KAZN: variants seen among roughly 807,000 people sequenced by gnomAD.
The protein encoded by KAZN is kazrin, periplakin interacting protein.
KAZN carries 40 observed loss-of-function variants against 87.4 expected under a neutral mutation model. The ratio of observed to expected loss-of-function variants is 0.46; its 90% CI spans 0.36 to 0.60. The LOEUF (loss-of-function observed/expected upper bound fraction) is 0.60. KAZN is among the 20% of genes least tolerant of loss of function. The pLI, the probability that KAZN is intolerant of heterozygous loss-of-function variation, is 0.00. For synonymous variants in KAZN, 466 were observed against 458.3 expected (o/e 1.02, Z -0.22); for missense variants, 898 against 1,073.9 (o/e 0.84, Z 2.29).
intron 1 of KAZN, among the ~76,000 whole-genome samples, chr1:14,959,770 C>T (rs138407633): frequency 1.3e-5 from 2 of 152,328 alleles, no homozygotes; most frequent in Non-Finnish European, 2.9e-5. Flanking sequence ...TCTGTTTTCA[C>T]TATTGCCCAG....
intron 2 of KAZN, among the ~76,000 whole-genome samples, chr1:14,460,990 G>C (rs1291679022): frequency 6.6e-6 from 1 of 152,132 alleles, no homozygotes; most frequent in Admixed American, 6.5e-5. Context: ...AGAGTATCTG[G>C]ACCCTGCGCT....
chr1:15,060,659 C>T (rs763580368), intron 6 of KAZN: 236 of 261,270 alleles, frequency 9.0e-4, no homozygotes, highest in Non-Finnish European at 1.5e-3. Flanking sequence ...AGCACCTCCT[C>T]ATTTCCCTTT....
chr1:14,402,380 T>G (rs1663490630), intron 2 of KAZN, among the ~76,000 whole-genome samples: 1 of 152,150 alleles, frequency 6.6e-6, no homozygotes, highest in Admixed American at 6.5e-5. Flanking sequence ...CCTTATTTAA[T>G]TCTCATGGAA....
chr1:14,625,376 C>T (rs543593127), intron 1 of KAZN, among the ~76,000 whole-genome samples: 9 of 152,174 alleles, frequency 5.9e-5, no homozygotes, highest in Admixed American at 2.0e-4. Flanking sequence ...CCCTACTATC[C>T]GAGGATAAAG....
Position 14,139,496 on chromosome 1 carries a change from G to A in KAZN, c.92-40939G>A, listed in dbSNP as rs867379455. Among the ~76,000 whole-genome samples, 7 of 152,176 alleles carry A rather than the reference G, an allele frequency of 4.6e-5. No homozygotes were observed. The South Asian group carries it at 8.3e-4, about 18-fold the overall frequency. On this transcript the variant is annotated intron_variant, in intron 1 of 16. Transcript: ENST00000636203. Reference sequence around the variant, plus strand: ...TTCCTGAACACTTTGCTGGTTGCACGGCTAGGGAATTTTTGTTGTTGTTCT... The same window carrying A: ...TTCCTGAACACTTTGCTGGTTGCACAGCTAGGGAATTTTTGTTGTTGTTCT...
chr1:14,375,180 T>C (rs75236559), intron 2 of KAZN, among the ~76,000 whole-genome samples: 5,460 of 152,296 alleles, frequency 0.036, 139 homozygotes, highest in Non-Finnish European at 0.055. Context: ...AAAATTGTTA[T>C]GAATTCAGCA....
chr1:14,971,332 A>T (rs562190593), intron 2 of KAZN, among the ~76,000 whole-genome samples: 2 of 152,304 alleles, frequency 1.3e-5, no homozygotes, highest in East Asian at 3.9e-4. Context: ...CGGGAGGCAG[A>T]GGTTGCGGTG....
At chr1:14,971,902 T>G (rs1285719187) in intron 2 of KAZN, among the ~76,000 whole-genome samples, 1 of 152,102 alleles carries the variant, frequency 6.6e-6, no homozygotes, top group Non-Finnish European at 1.5e-5. Flanking sequence ...TCTTCCCACC[T>G]CCTCCCAGTC....
At chr1:14,846,266 T>C (rs1648750725) in intron 1 of KAZN, among the ~76,000 whole-genome samples, 1 of 152,220 alleles carries the variant, frequency 6.6e-6, no homozygotes, top group African/African-American at 2.4e-5. Flanking sequence ...GCCTGTTGAA[T>C]CTAGCATTTC....
intron 3 of KAZN, among the ~76,000 whole-genome samples, chr1:15,040,775 A>T (rs1213990616): frequency 1.3e-5 from 1 of 77,194 alleles, no homozygotes; most frequent in Non-Finnish European, 2.6e-5. Context: ...CAAAAAAGTT[A>T]AAAAAAAAAA....
chr1:14,957,583 C>T (rs1663281491), intron 1 of KAZN, among the ~76,000 whole-genome samples: 1 of 152,194 alleles, frequency 6.6e-6, no homozygotes, highest in South Asian at 2.1e-4. Context: ...GGGTTGCCTG[C>T]CGTGCTGTTG....
intron 2 of KAZN, among the ~76,000 whole-genome samples, chr1:14,221,101 C>T (rs1029520829): frequency 1.3e-5 from 2 of 152,128 alleles, no homozygotes; most frequent in African/African-American, 4.8e-5. Flanking sequence ...TGTCATCTTG[C>T]TTAGTGTTTA....
chr1:15,097,138 G>A (rs1385662893), intron 10 of KAZN, among the ~76,000 whole-genome samples: 1 of 152,106 alleles, frequency 6.6e-6, no homozygotes, highest in African/African-American at 2.4e-5. Context: ...GTTAAATTAG[G>A]ACAGTGGTTT....
chr1:14,306,268 G>T (rs565450578), intron 2 of KAZN, among the ~76,000 whole-genome samples: 2 of 152,264 alleles, frequency 1.3e-5, no homozygotes, highest in East Asian at 3.9e-4. Flanking sequence ...TTGCTCCCCT[G>T]ATGTGCTCTC....
chr1:14,380,263 C>T lies in KAZN; in HGVS notation c.249+199671C>T, dbSNP rs74226813. 7.9e-4 allele frequency among the ~76,000 whole-genome samples: 120 copies of T among 152,232 alleles called. 2 individuals are homozygous for T. The East Asian group carries it at 0.019, about 24-fold the overall frequency. Reference sequence around the variant, plus strand: ...TCCAAGAAGGATGGGTACAAACAAGCCCAGATAGAGAAGACTACAATAAAT... The same window carrying T: ...TCCAAGAAGGATGGGTACAAACAAGTCCAGATAGAGAAGACTACAATAAAT... On this transcript the variant is annotated intron_variant, in intron 2 of 16. Transcript: ENST00000636203.
chr1:14,883,351 AAAGAAAAG>A (rs1436893697), intron 1 of KAZN, among the ~76,000 whole-genome samples: 2 of 31,026 alleles, frequency 6.4e-5, no homozygotes, highest in Non-Finnish European at 1.4e-4. Context: ...AGAAAGAAAG[AAAGAAAAG>A]AAAGAAAGAA....
intron 2 of KAZN, among the ~76,000 whole-genome samples, chr1:14,436,598 A>T (rs1243800108): frequency 6.6e-6 from 1 of 151,608 alleles, no homozygotes; most frequent in Non-Finnish European, 1.5e-5. Context: ...GGCACCTGTA[A>T]CCCCAGCTAC....
rs148992762 is a variant in KAZN at position 14,468,735 on chromosome 1, T to C, written c.250-130248T>C. On this transcript the variant is annotated intron_variant, in intron 2 of 16. Transcript: ENST00000636203. ...TCTTGGTTTTCACTTTACTGGAAAG[T>C]TATTTCACCATCAGTGTCTGGTTGG... Among the ~76,000 whole-genome samples, 596 of 152,318 alleles carry C rather than the reference T, an allele frequency of 3.9e-3. 9 individuals are homozygous for C. The highest frequency in any genetic ancestry group is 3.7e-3 in the Non-Finnish European group (249 of 68,026).
chr1:13,936,876 G>T (rs1640761048), intron 1 of KAZN, among the ~76,000 whole-genome samples: 1 of 152,016 alleles, frequency 6.6e-6, no homozygotes, highest in South Asian at 2.1e-4. Flanking sequence ...GCCAGTAGTG[G>T]GATTGCTGAA....
Sources: gnomAD v4.1 joint callset for allele counts (sites outside exome capture counted in the v4.1 genomes callset) on GRCh38, gnomAD v4.1.1 for gene constraint, MANE v1.5 for transcripts, NCBI Gene and HGNC (gene_info 2026-07-23, HGNC 2026-07-21) for gene names.